ADAMTSL1: variants seen among roughly 807,000 people sequenced by gnomAD.
ADAMTSL1 encodes the protein ADAMTS like 1.
Under a neutral mutation model 201.8 loss-of-function variants are expected in ADAMTSL1, and 126 were observed. That is an observed-to-expected ratio of 0.62 (90% confidence interval 0.54 to 0.72). The LOEUF (loss-of-function observed/expected upper bound fraction) is 0.72. ADAMTSL1 is among the 30% of genes least tolerant of loss of function. The pLI is 0.00. For synonymous variants in ADAMTSL1, 1,121 were observed against 903.4 expected, an observed-to-expected ratio of 1.24 and a Z score of -4.32; for missense variants, 2,679 against 2,277.8, an observed-to-expected ratio of 1.18 and a Z score of -3.59.
intron 16 of ADAMTSL1, among the ~76,000 whole-genome samples, chr9:18,756,170 T>C (rs908512088): frequency 1.0e-4 from 13 of 127,122 alleles, no homozygotes; most frequent in African/African-American, 3.5e-4. Context: ...TCCCAGCTAC[T>C]GTGGAGGCTG....
chr9:18,139,926 G>T (rs1196694491), intron 1 of ADAMTSL1, among the ~76,000 whole-genome samples: 1 of 152,008 alleles, frequency 6.6e-6, no homozygotes, highest in Non-Finnish European at 1.5e-5. Flanking sequence ...AGAGACTGAT[G>T]AAATTTTTAG....
intron 7 of ADAMTSL1, among the ~76,000 whole-genome samples, chr9:18,642,803 CA>C (rs1411344010): frequency 6.6e-6 from 1 of 151,936 alleles, no homozygotes; most frequent in East Asian, 1.9e-4. Context: ...ATTGTGCATA[CA>C]TATTACATTT....
chr9:18,014,830 G>C (rs1365118029), intron 1 of ADAMTSL1, among the ~76,000 whole-genome samples: 1 of 151,950 alleles, frequency 6.6e-6, no homozygotes, highest in Non-Finnish European at 1.5e-5. Context: ...CTGAGTTTCA[G>C]AGTCATTACC....
intron 6 of ADAMTSL1, among the ~76,000 whole-genome samples, chr9:18,636,538 C>A (rs953495203): frequency 2.0e-5 from 3 of 152,130 alleles, no homozygotes; most frequent in Non-Finnish European, 4.4e-5. Flanking sequence ...AAAGAAAATT[C>A]AGGGACCTCA....
chr9:18,328,829 C>G (rs1030486246), intron 2 of ADAMTSL1, among the ~76,000 whole-genome samples: 1 of 152,158 alleles, frequency 6.6e-6, no homozygotes, highest in Non-Finnish European at 1.5e-5. Context: ...CTGGAGGATA[C>G]AGAGTATACA....
chr9:18,054,603 C>T (rs561904102), intron 1 of ADAMTSL1, among the ~76,000 whole-genome samples: 20 of 152,246 alleles, frequency 1.3e-4, no homozygotes, highest in Non-Finnish European at 2.2e-4. Flanking sequence ...CATCCACCAT[C>T]GGGGGGCTAG....
intron 15 of ADAMTSL1, among the ~76,000 whole-genome samples, chr9:18,726,986 AAGG>A (rs1256963867): frequency 6.6e-6 from 1 of 152,200 alleles, no homozygotes; most frequent in Non-Finnish European, 1.5e-5. Flanking sequence ...CCCTGTTTGA[AAGG>A]AGAGAGTTAA....
intron 2 of ADAMTSL1, among the ~76,000 whole-genome samples, chr9:18,240,698 G>C (rs1228606404): frequency 1.3e-5 from 2 of 152,186 alleles, no homozygotes; most frequent in East Asian, 3.9e-4. Context: ...TACTCCAGAG[G>C]GAGTACTCCC....
At chr9:18,209,209 A>C (rs1337092462) in intron 2 of ADAMTSL1, among the ~76,000 whole-genome samples, 1 of 149,554 alleles carries the variant, frequency 6.7e-6, no homozygotes, top group African/African-American at 2.4e-5. Flanking sequence ...TACAGTTGAA[A>C]AAAATGTTTG....
chr9:18,805,789 G>C (rs1281258564), intron 20 of ADAMTSL1, among the ~76,000 whole-genome samples: 1 of 152,150 alleles, frequency 6.6e-6, no homozygotes, highest in East Asian at 1.9e-4. Flanking sequence ...GGAAAACTCT[G>C]TCAGTCATTA....
intron 28 of ADAMTSL1, chr9:18,908,196 C>T: frequency 3.8e-6 from 2 of 530,434 alleles, no homozygotes; most frequent in Non-Finnish European, 6.8e-6. Context: ...AAGCAGACAG[C>T]CCAGGGAGGG....
intron 14 of ADAMTSL1, among the ~76,000 whole-genome samples, chr9:18,714,211 C>T (rs1394056624): frequency 6.6e-6 from 1 of 151,734 alleles, no homozygotes; most frequent in African/African-American, 2.4e-5. Context: ...AGAGCAAACA[C>T]ATTCAAAAGC....
intron 16 of ADAMTSL1, among the ~76,000 whole-genome samples, chr9:18,768,805 G>T (rs934001718): frequency 6.6e-6 from 1 of 152,108 alleles, no homozygotes; most frequent in Admixed American, 6.5e-5. Context: ...ACAACCACTG[G>T]TCGTAACAGA....
At chr9:18,373,621 C>A (rs1417040) in intron 2 of ADAMTSL1, among the ~76,000 whole-genome samples, 4 of 147,870 alleles carry the variant, frequency 2.7e-5, no homozygotes, top group African/African-American at 9.9e-5. Context: ...CTAAACCCAA[C>A]GGAGATTTTG....
At chr9:17,940,208 A>G (rs1827182405) in intron 1 of ADAMTSL1, among the ~76,000 whole-genome samples, 1 of 152,150 alleles carries the variant, frequency 6.6e-6, no homozygotes, top group South Asian at 2.1e-4. Flanking sequence ...GTTTTAGCAT[A>G]ATGAAATGAT....
chr9:18,551,163 C>T (rs1021596848), intron 3 of ADAMTSL1, among the ~76,000 whole-genome samples: 1 of 151,830 alleles, frequency 6.6e-6, no homozygotes, highest in Non-Finnish European at 1.5e-5. Context: ...TCCATATTCC[C>T]ACCAGAATTA....
chr9:18,712,841 G>A (rs1445402771), intron 14 of ADAMTSL1, among the ~76,000 whole-genome samples: 1 of 149,984 alleles, frequency 6.7e-6, no homozygotes, highest in Non-Finnish European at 1.5e-5. Context: ...GTTAAGGGCA[G>A]CCAGAGAGAA....
At chr9:18,754,969 T>C (rs1048216994) in intron 16 of ADAMTSL1, among the ~76,000 whole-genome samples, 3 of 152,176 alleles carry the variant, frequency 2.0e-5, no homozygotes, top group Admixed American at 6.5e-5. Context: ...AATAAGGTTT[T>C]ATTAGCCTTA....
chr9:18,164,856 C>G (rs1157359877), intron 2 of ADAMTSL1, among the ~76,000 whole-genome samples: 1 of 151,892 alleles, frequency 6.6e-6, no homozygotes, highest in Non-Finnish European at 1.5e-5. Flanking sequence ...ACATGTGTTT[C>G]TTTCAGACAG....
Sources: gnomAD v4.1 joint callset for allele counts (sites outside exome capture counted in the v4.1 genomes callset) on GRCh38, gnomAD v4.1.1 for gene constraint, MANE v1.5 for transcripts, NCBI Gene and HGNC (gene_info 2026-07-23, HGNC 2026-07-21) for gene names.